Variants in IGSF5 observed in about 807,000 individuals in gnomAD.
IGSF5 encodes the protein immunoglobulin superfamily member 5.
A neutral mutation model predicts 39.4 loss-of-function variants in IGSF5; 41 were observed. The ratio of observed to expected loss-of-function variants is 1.04; its 90% CI spans 0.81 to 1.35. The LOEUF (loss-of-function observed/expected upper bound fraction) is 1.35, where lower values mean the gene tolerates loss of function less well. IGSF5 is among the 40% of genes most tolerant of loss of function. The pLI is 0.00. For missense variants in IGSF5, 487 were observed against 494.6 expected, an observed-to-expected ratio of 0.98 and a Z score of 0.15; for synonymous variants, 183 against 175.3, an observed-to-expected ratio of 1.04 and a Z score of -0.34.
At chr21:39,801,235 T>C (rs150645745) in intron 8 of IGSF5, 27 bp from the exon 9 acceptor site, 11 of 1,570,542 alleles carry the variant, frequency 7.0e-6, no homozygotes, top group African/African-American at 5.4e-5. Flanking sequence ...ACCCATTAAA[T>C]TGACTTTTTT....
upstream of IGSF5, among the ~76,000 whole-genome samples, chr21:39,740,309 C>A (rs2079943011): frequency 6.6e-6 from 1 of 152,156 alleles, no homozygotes; most frequent in Non-Finnish European, 1.5e-5. Flanking sequence ...TTTCTGATGA[C>A]CCCGGCAGTG....
the IGSF5 span, among the ~76,000 whole-genome samples, chr21:39,724,900 T>A: frequency 1.3e-5 from 2 of 152,234 alleles, no homozygotes; most frequent in Non-Finnish European, 2.9e-5. Context: ...ACGCCTTACA[T>A]GCATTAATCT....
chr21:39,763,124 A>C, intron 2 of IGSF5, among the ~76,000 whole-genome samples: 1 of 152,196 alleles, frequency 6.6e-6, no homozygotes. Flanking sequence ...CCCGGGACCT[A>C]AAGTGACCAG....
In IGSF5 at chr21:39,771,132, C is replaced by A. The variant is rs780543119; in HGVS notation, c.635C>A (p.Thr212Asn). 3 of 1,610,684 alleles carry A rather than the reference C, an allele frequency of 1.9e-6. No individual in the cohort carries two copies. The Admixed American group carries it at 5.0e-5, about 27-fold the overall frequency. Residue 212 changes from threonine (T) to asparagine (N), a missense_variant, in exon 4 of 9, where the codon ACT becomes AAT. Physicochemically the swap from Thr to Asn is moderately conservative, Grantham distance 65. Coordinates refer to ENST00000380588, the MANE Select transcript of IGSF5 (RefSeq NM_001080444.2). ...ILALTPQSNG[T>N]LTCVATWKSL... is the part of the protein sequence containing the mutation. ...GCTCTGACCCCACAGAGCAATGGGA[C>A]TTTGACTTGCGTGGCTACCTGGAAG...
intron 2 of IGSF5, among the ~76,000 whole-genome samples, chr21:39,752,391 G>T: frequency 6.6e-6 from 1 of 152,042 alleles, no homozygotes. Flanking sequence ...TATATATACC[G>T]CATTTTCTTT....
chr21:39,721,727 C>CT, the IGSF5 span, among the ~76,000 whole-genome samples: 2 of 150,600 alleles, frequency 1.3e-5, no homozygotes, highest in South Asian at 2.1e-4. Flanking sequence ...TCCTTCCTTC[C>CT]ACCCACCCAT....
intron 2 of IGSF5, among the ~76,000 whole-genome samples, chr21:39,760,571 G>C (rs2080056033): frequency 7.6e-6 from 1 of 132,108 alleles, no homozygotes; most frequent in Non-Finnish European, 1.7e-5. Flanking sequence ...GTGGGACTAA[G>C]TCAGGTCTTT....
upstream of IGSF5, among the ~76,000 whole-genome samples, chr21:39,745,051 G>A (rs1395171853): frequency 8.0e-6 from 1 of 125,288 alleles, no homozygotes; most frequent in Non-Finnish European, 1.8e-5. Context: ...AAGGAATAGG[G>A]CACACTTTTT....
chr21:39,722,695 C>T, the IGSF5 span: 1 of 152,204 alleles, frequency 6.6e-6, no homozygotes, highest in Non-Finnish European at 1.5e-5. Context: ...CTTTTGTATG[C>T]TACCTTATCT....
At chr21:39,762,043 A>G (rs1200388189) in intron 2 of IGSF5, among the ~76,000 whole-genome samples, 2 of 152,198 alleles carry the variant, frequency 1.3e-5, no homozygotes, top group African/African-American at 2.4e-5. Flanking sequence ...GAGAGAAAGC[A>G]AGAGGGCAGG....
intron 4 of IGSF5, 30 bp from the exon 5 acceptor site, chr21:39,779,060 A>G: frequency 6.2e-7 from 1 of 1,607,656 alleles, no homozygotes; most frequent in Admixed American, 1.7e-5. Context: ...CAGTGCAAGT[A>G]TCACTAAAAT....
At chr21:39,768,168 C>T (rs1047046457) in intron 3 of IGSF5, among the ~76,000 whole-genome samples, 2 of 152,158 alleles carry the variant, frequency 1.3e-5, no homozygotes, top group African/African-American at 2.4e-5. Flanking sequence ...GCGAGAGGAA[C>T]CCATAGAGCT....
At chr21:39,718,636 T>G in the IGSF5 span, among the ~76,000 whole-genome samples, 2 of 152,270 alleles carry the variant, frequency 1.3e-5, no homozygotes, top group African/African-American at 2.4e-5. Context: ...GTTCTATTTA[T>G]GTGATGAATC....
intron 6 of IGSF5, among the ~76,000 whole-genome samples, chr21:39,789,039 C>G (rs1330719145): frequency 6.6e-6 from 1 of 152,132 alleles, no homozygotes; most frequent in Admixed American, 6.5e-5. Flanking sequence ...CACCACCAAG[C>G]AGCAGTCTGA....
At chr21:39,725,510 A>G in the IGSF5 span, among the ~76,000 whole-genome samples, 1 of 152,214 alleles carries the variant, frequency 6.6e-6, no homozygotes, top group Non-Finnish European at 1.5e-5. Flanking sequence ...CAAAAGGGCT[A>G]CGGACAGTCT....
At chr21:39,788,899 C>T (rs1176988706) in intron 6 of IGSF5, among the ~76,000 whole-genome samples, 3 of 152,140 alleles carry the variant, frequency 2.0e-5, no homozygotes, top group Non-Finnish European at 4.4e-5. Context: ...AGAATATTTA[C>T]ATTTTTAAGT....
chr21:39,744,790 G>A (rs1309841121), upstream of IGSF5, among the ~76,000 whole-genome samples: 1 of 152,182 alleles, frequency 6.6e-6, no homozygotes, highest in African/African-American at 2.4e-5. Context: ...TGCTCACAGC[G>A]AAGTTTCCTC....
the IGSF5 span, among the ~76,000 whole-genome samples, chr21:39,718,463 C>T: frequency 1.3e-4 from 20 of 152,246 alleles, no homozygotes; most frequent in East Asian, 1.5e-3. Context: ...TTTGCCCATT[C>T]GGTATAATGT....
At chr21:39,789,000 C>A (rs1255829962) in intron 6 of IGSF5, among the ~76,000 whole-genome samples, 1 of 152,084 alleles carries the variant, frequency 6.6e-6, no homozygotes, top group African/African-American at 2.4e-5. Context: ...CCCTCTGACC[C>A]CTGGCAATTG....
Sources: gnomAD v4.1 joint callset for allele counts (sites outside exome capture counted in the v4.1 genomes callset) on GRCh38, gnomAD v4.1.1 for gene constraint, MANE v1.5 for transcripts, NCBI Gene and HGNC (gene_info 2026-07-23, HGNC 2026-07-21) for gene names.